Variants in SFMBT1 observed in about 807,000 individuals in gnomAD.
SFMBT1 encodes scm-like with four MBT domains protein 1.
SFMBT1 carries 32 observed loss-of-function variants against 108.7 expected under a neutral mutation model. The observed-to-expected ratio is 0.29, with a 90% CI of 0.22 to 0.40. The LOEUF (loss-of-function observed/expected upper bound fraction) is 0.40, where lower values mean the gene tolerates loss of function less well. SFMBT1 is among the 10% of genes least tolerant of loss of function. The probability of loss-of-function intolerance (pLI) is 1.00; values close to 1 mark genes in which losing one functional copy is unlikely to be tolerated. For synonymous variants in SFMBT1, 348 were observed against 369.5 expected (o/e 0.94, Z 0.67); for missense variants, 816 against 1,059.6 (o/e 0.77, Z 3.19).
chr3:52,916,046 A>G, intron 14 of SFMBT1, 104 bp downstream of exon 14: 1 of 910,192 alleles, frequency 1.1e-6, no homozygotes, highest in Non-Finnish European at 1.7e-6. Flanking sequence ...CCCCTCTATG[A>G]AGACACATAC....
At chr3:52,966,550 A>G (rs1575408216) in intron 2 of SFMBT1, among the ~76,000 whole-genome samples, 1 of 136,244 alleles carries the variant, frequency 7.3e-6, no homozygotes, top group Non-Finnish European at 1.5e-5. Context: ...GTGTGAACCC[A>G]GGAGGCGGAG....
intron 2 of SFMBT1, among the ~76,000 whole-genome samples, chr3:52,965,423 A>C (rs1189623520): frequency 6.7e-6 from 1 of 150,370 alleles, no homozygotes; most frequent in African/African-American, 2.4e-5. Flanking sequence ...CCAAAAACTA[A>C]AGGCAAAAAA....
chr3:52,970,028 G>A lies in SFMBT1; in HGVS notation c.-130-770C>T, dbSNP rs1704283336. ...TGAGGTGGGAGGATGGCTTGAGTCT[G>A]GGGGACGGAGGTTGCAGAGCCAAGA... On this transcript the variant is annotated intron_variant, in intron 1 of 20. Transcript: ENST00000394752. Among the ~76,000 whole-genome samples the A allele has an allele frequency of 5.9e-5, 9 of 152,082 alleles. 1 individual carries two copies. The South Asian group carries it at 1.7e-3, about 28-fold the overall frequency.
intron 1 of SFMBT1, among the ~76,000 whole-genome samples, chr3:53,030,563 AGTCT>A (rs1699647541): frequency 6.6e-6 from 1 of 151,922 alleles, no homozygotes; most frequent in Admixed American, 6.6e-5. Flanking sequence ...CTATTTCTAA[AGTCT>A]TTGTGGCACA....
intron 1 of SFMBT1, among the ~76,000 whole-genome samples, chr3:53,022,008 C>CA (rs1401919898): frequency 1.3e-5 from 2 of 152,134 alleles, no homozygotes; most frequent in Admixed American, 1.3e-4. Context: ...TTTCTTCTCT[C>CA]AAAGATTCCT....
chr3:52,926,242 GGGC>G, intron 9 of SFMBT1, 129 bp from the exon 10 acceptor site: 2 of 586,604 alleles, frequency 3.4e-6, no homozygotes, highest in Non-Finnish European at 5.4e-6. Context: ...CATTTTAGAG[GGGC>G]GAAAAGCATT....
intron 1 of SFMBT1, among the ~76,000 whole-genome samples, chr3:53,036,013 G>A (rs772346380): frequency 9.9e-5 from 15 of 152,156 alleles, no homozygotes; most frequent in Non-Finnish European, 1.9e-4. Context: ...CCTTGGCAAG[G>A]TTCATCACTG....
intron 4 of SFMBT1, among the ~76,000 whole-genome samples, chr3:52,941,383 C>T: frequency 6.6e-6 from 1 of 151,998 alleles, no homozygotes; most frequent in East Asian, 1.9e-4. Flanking sequence ...CACCTGAGGT[C>T]AGGGGTTCAA....
At chr3:53,032,343 C>G (rs2106959917) in intron 1 of SFMBT1, among the ~76,000 whole-genome samples, 1 of 152,258 alleles carries the variant, frequency 6.6e-6, no homozygotes, top group South Asian at 2.1e-4. Context: ...GCACTCCAGC[C>G]TGGGTGACAG....
chr3:52,977,363 T>G (rs1026623994), intron 1 of SFMBT1, among the ~76,000 whole-genome samples: 1 of 151,974 alleles, frequency 6.6e-6, no homozygotes, highest in Non-Finnish European at 1.5e-5. Flanking sequence ...ACAAAAAGAT[T>G]AGCCAGGCCT....
intron 1 of SFMBT1, among the ~76,000 whole-genome samples, chr3:52,997,405 A>G (rs2106906357): frequency 6.7e-6 from 1 of 149,354 alleles, no homozygotes; most frequent in East Asian, 2.0e-4. Flanking sequence ...ATGTGGTGGC[A>G]GGCACCTGTA....
intron 15 of SFMBT1, among the ~76,000 whole-genome samples, chr3:52,913,238 C>A (rs1482887444): frequency 6.6e-6 from 1 of 152,210 alleles, no homozygotes; most frequent in Non-Finnish European, 1.5e-5. Context: ...TGGTCTCTGA[C>A]AGAAGACCTT....
At position 52,976,415 on chromosome 3, in the gene SFMBT1, T is replaced by C. The variant is rs151047329; in HGVS notation, c.-130-7157A>G. ...GATACAAACAAATAGTGTTAAAGAATTGGCTATCCATTTTGGGAGGAAAAA... is the reference window on the plus strand; with the variant it reads ...GATACAAACAAATAGTGTTAAAGAACTGGCTATCCATTTTGGGAGGAAAAA... On this transcript the variant is annotated intron_variant, in intron 1 of 20. Transcript: ENST00000394752. Among the ~76,000 whole-genome samples, 42 of 152,310 alleles carry C rather than the reference T, an allele frequency of 2.8e-4. 1 individual carries two copies. The East Asian group carries it at 7.7e-3, about 28-fold the overall frequency.
At chr3:52,962,912 A>G (rs951906453) in intron 2 of SFMBT1, among the ~76,000 whole-genome samples, 1 of 152,264 alleles carries the variant, frequency 6.6e-6, no homozygotes, top group East Asian at 1.9e-4. Flanking sequence ...AGGAGAATAA[A>G]TTAAAAAGTA....
intron 15 of SFMBT1, among the ~76,000 whole-genome samples, chr3:52,913,230 G>A (rs1411743532): frequency 6.6e-6 from 1 of 152,144 alleles, no homozygotes; most frequent in Non-Finnish European, 1.5e-5. Flanking sequence ...TTCTCTTCTG[G>A]TCTCTGACAG....
At chr3:52,996,206 CTTTTTTT>C (rs35167235) in intron 1 of SFMBT1, among the ~76,000 whole-genome samples, 1 of 88,128 alleles carries the variant, frequency 1.1e-5, no homozygotes, top group Non-Finnish European at 2.1e-5. Context: ...ATAAACAATC[CTTTTTTT>C]TTTTTTTTTT....
chr3:52,975,272 T>C (rs1704479934), intron 1 of SFMBT1, among the ~76,000 whole-genome samples: 1 of 152,200 alleles, frequency 6.6e-6, no homozygotes, highest in Non-Finnish European at 1.5e-5. Context: ...GCACCATACA[T>C]GGCCATTGGA....
chr3:53,035,637 C>T (rs1699845354), intron 1 of SFMBT1, among the ~76,000 whole-genome samples: 1 of 152,154 alleles, frequency 6.6e-6, no homozygotes, highest in Non-Finnish European at 1.5e-5. Context: ...CACTCTGTTG[C>T]CCAGGCTGGA....
At chr3:53,014,137 A>C (rs1367655460) in intron 1 of SFMBT1, among the ~76,000 whole-genome samples, 2 of 152,244 alleles carry the variant, frequency 1.3e-5, no homozygotes, top group African/African-American at 2.4e-5. Flanking sequence ...TGACAGCCAA[A>C]TCCATAACCT....
Sources: gnomAD v4.1 joint callset for allele counts (sites outside exome capture counted in the v4.1 genomes callset) on GRCh38, gnomAD v4.1.1 for gene constraint, MANE v1.5 for transcripts, NCBI Gene and HGNC (gene_info 2026-07-23, HGNC 2026-07-21) for gene names.